AGBL1: variants seen among roughly 807,000 people sequenced by gnomAD.
AGBL1 encodes cytosolic carboxypeptidase 4.
A neutral mutation model predicts 118.9 loss-of-function variants in AGBL1; 130 were observed. The observed-to-expected ratio is 1.09, with a 90% CI of 0.95 to 1.26. The LOEUF (loss-of-function observed/expected upper bound fraction) is 1.26. AGBL1 is among the 50% of genes most tolerant of loss of function. AGBL1 has a pLI of 0.00. For synonymous variants in AGBL1, 555 were observed against 478.9 expected, an observed-to-expected ratio of 1.16 and a Z score of -2.08; for missense variants, 1,584 against 1,298.1, an observed-to-expected ratio of 1.22 and a Z score of -3.38.
chr15:86,262,816 C>T lies in AGBL1; in HGVS notation c.1008C>T (p.Ser336=). 1 of 1,610,754 alleles carries T rather than the reference C, an allele frequency of 6.2e-7. No homozygotes were observed. The change falls in exon 10 of 23, where the codon TCC becomes TCT. Residue 336 remains serine (S), a synonymous_variant. Coordinates refer to ENST00000614907, the MANE Select transcript of AGBL1 (RefSeq NM_001386094.1). ...DLETDVNKLS[S]KPGLDRPEEE... ...AAACAGACGTGAACAAGCTGAGTTC[C>T]AAACCTGGTCTTGACCGACCTGAAG...
intron 23 of AGBL1, among the ~76,000 whole-genome samples, chr15:86,969,024 T>C (rs1209205279): frequency 6.6e-6 from 1 of 151,946 alleles, no homozygotes; most frequent in African/African-American, 2.4e-5. Flanking sequence ...AAATAAATTT[T>C]GAGGAGAAAC....
intron 24 of AGBL1, among the ~76,000 whole-genome samples, chr15:87,027,296 T>C (rs1302095868): frequency 6.6e-6 from 1 of 151,936 alleles, no homozygotes; most frequent in East Asian, 1.9e-4. Flanking sequence ...GCTGGCAAGA[T>C]TGCAGAGAAA....
intron 22 of AGBL1, among the ~76,000 whole-genome samples, chr15:86,717,582 A>G (rs778536470): frequency 5.3e-5 from 8 of 152,206 alleles, no homozygotes; most frequent in Non-Finnish European, 1.0e-4. Flanking sequence ...TTCACATTTC[A>G]CTGATTGGCC....
At chr15:86,682,214 A>T (rs549455027) in intron 22 of AGBL1, among the ~76,000 whole-genome samples, 1 of 152,320 alleles carries the variant, frequency 6.6e-6, no homozygotes, top group Non-Finnish European at 1.5e-5. Flanking sequence ...GAATTATTAT[A>T]GATTATGAGT....
At chr15:86,164,231 T>A (rs764235105) in intron 5 of AGBL1, among the ~76,000 whole-genome samples, 3 of 152,222 alleles carry the variant, frequency 2.0e-5, no homozygotes, top group Non-Finnish European at 4.4e-5. Flanking sequence ...GTTAATGAAC[T>A]CAGCTGGGGC....
At chr15:86,904,846 T>C (rs75530161) in intron 22 of AGBL1, among the ~76,000 whole-genome samples, 2,450 of 152,178 alleles carry the variant, frequency 0.016, 75 homozygotes, top group African/African-American at 0.056. Flanking sequence ...ACCCCTGTTA[T>C]ATGTTCAATT....
At chr15:86,235,164 G>A (rs1250200803) in intron 6 of AGBL1, among the ~76,000 whole-genome samples, 1 of 152,138 alleles carries the variant, frequency 6.6e-6, no homozygotes, top group African/African-American at 2.4e-5. Flanking sequence ...GACTATGTGA[G>A]CCTCGGATCT....
chr15:86,413,115 T>G (rs1180021562), intron 18 of AGBL1, among the ~76,000 whole-genome samples: 1 of 152,184 alleles, frequency 6.6e-6, no homozygotes, highest in Non-Finnish European at 1.5e-5. Flanking sequence ...TAGAATTCTG[T>G]AATGTTAGAG....
At chr15:87,000,850 C>T (rs1480296008) in intron 24 of AGBL1, among the ~76,000 whole-genome samples, 1 of 147,868 alleles carries the variant, frequency 6.8e-6, no homozygotes, top group Non-Finnish European at 1.5e-5. Context: ...TTGATTCTTC[C>T]TACCCATGAG....
At chr15:86,556,104 A>T (rs2083729773) in intron 21 of AGBL1, 2 of 690,820 alleles carry the variant, frequency 2.9e-6, no homozygotes, top group Non-Finnish European at 4.8e-6. Context: ...AACAGCTTCT[A>T]GTCACGTAAG....
chr15:86,564,776 T>A, intron 21 of AGBL1, among the ~76,000 whole-genome samples: 1 of 152,320 alleles, frequency 6.6e-6, no homozygotes, highest in South Asian at 2.1e-4. Context: ...ACCAATCAGA[T>A]GTAGATTTGG....
chr15:86,687,073 G>C (rs545823121), intron 22 of AGBL1, among the ~76,000 whole-genome samples: 1 of 152,214 alleles, frequency 6.6e-6, no homozygotes, highest in East Asian at 1.9e-4. Context: ...AGGAAAACAA[G>C]CTGCTCTATG....
chr15:86,363,600 C>T (rs973462203), intron 17 of AGBL1, among the ~76,000 whole-genome samples: 3 of 152,110 alleles, frequency 2.0e-5, no homozygotes, highest in South Asian at 4.1e-4. Context: ...GTAGTTTCCC[C>T]AGGAAACAAT....
intron 6 of AGBL1, 105 bp downstream of exon 6, chr15:86,225,056 T>G: frequency 9.0e-7 from 1 of 1,108,372 alleles, no homozygotes; most frequent in Non-Finnish European, 1.3e-6. Context: ...TTTCATGAAC[T>G]ACTATTTCTC....
At chr15:86,128,008 GT>G (rs915978406) in intron 1 of AGBL1, among the ~76,000 whole-genome samples, 1 of 152,020 alleles carries the variant, frequency 6.6e-6, no homozygotes, top group South Asian at 2.1e-4. Flanking sequence ...CCATTCATAT[GT>G]TTTTTTGGGG....
intron 4 of AGBL1, among the ~76,000 whole-genome samples, chr15:86,158,197 C>T (rs1198825824): frequency 1.3e-5 from 2 of 152,076 alleles, no homozygotes; most frequent in African/African-American, 2.4e-5. Flanking sequence ...TCTGCAATAG[C>T]AAAGACATCA....
chr15:86,084,923 A>T (rs539767501), intron 1 of AGBL1, among the ~76,000 whole-genome samples: 1 of 152,332 alleles, frequency 6.6e-6, no homozygotes, highest in East Asian at 1.9e-4. Flanking sequence ...ATGTGCTGGA[A>T]GAGATGTGTA....
intron 17 of AGBL1, among the ~76,000 whole-genome samples, chr15:86,322,922 CTTTT>C (rs1452932443): frequency 6.6e-6 from 1 of 152,112 alleles, no homozygotes; most frequent in Non-Finnish European, 1.5e-5. Flanking sequence ...ACGTTTGTGG[CTTTT>C]TTGAGTACCA....
At chr15:86,485,110 G>C (rs1280025475) in intron 18 of AGBL1, among the ~76,000 whole-genome samples, 1 of 152,144 alleles carries the variant, frequency 6.6e-6, no homozygotes, top group Non-Finnish European at 1.5e-5. Flanking sequence ...AATGCCACCA[G>C]AACAGGCGGG....
Sources: allele counts gnomAD v4.1 joint callset (sites outside exome capture counted in the v4.1 genomes callset), GRCh38; gene constraint gnomAD v4.1.1; transcripts MANE v1.5; gene names NCBI Gene and HGNC (gene_info 2026-07-23, HGNC 2026-07-21).